TBXAS1: variants seen among roughly 807,000 people sequenced by gnomAD.
TBXAS1 encodes the protein thromboxane-A synthase.
A neutral mutation model predicts 60.7 loss-of-function variants in TBXAS1; 48 were observed. The ratio of observed to expected loss-of-function variants is 0.79; its 90% CI spans 0.63 to 1.01. The LOEUF is 1.01. Among genes scored for constraint, TBXAS1 ranks in the 50% least tolerant of loss-of-function variants. The pLI is 0.00. For missense variants in TBXAS1, 685 were observed against 686.3 expected (o/e 1.00, Z 0.02); for synonymous variants, 287 against 269.7 (o/e 1.06, Z -0.63).
intron 1 of TBXAS1, among the ~76,000 whole-genome samples, chr7:139,831,270 C>T (rs531667691): frequency 2.6e-5 from 4 of 152,182 alleles, no homozygotes; most frequent in South Asian, 2.1e-4. Flanking sequence ...AGAGAGGTCA[C>T]GGCCCTGGCT....
Position 139,962,137 on chromosome 7 carries a change from C to T in TBXAS1, c.1038C>T (p.Ile346=). ...TCCTCATCGCTGGCTATGAAATCAT[C>T]ACCAACACACTTTCTTTTGCCACCT... ...FIFLIAGYEI[I]TNTLSFATYL... The change falls in exon 9 of 13, where the codon ATC becomes ATT. Residue 346 remains isoleucine, a synonymous_variant. Transcript: ENST00000448866. 1.2e-6 allele frequency: 2 copies of T among 1,614,218 alleles called. No individual in the cohort carries two copies. Among genetic ancestry groups the T allele is most frequent in the South Asian group, 1.1e-5 (1 of 91,082 alleles).
chr7:139,808,732 G>C (rs532713378), intron 4 of TBXAS1, among the ~76,000 whole-genome samples: 1 of 152,184 alleles, frequency 6.6e-6, no homozygotes, highest in East Asian at 1.9e-4. Context: ...TCCCCACATT[G>C]CAATGATCTA....
chr7:139,986,796 T>G, intron 9 of TBXAS1, among the ~76,000 whole-genome samples: 1 of 43,662 alleles, frequency 2.3e-5, no homozygotes, highest in Non-Finnish European at 4.3e-5. Flanking sequence ...TGTGTGTGTG[T>G]GTGTATATAT....
intron 4 of TBXAS1, among the ~76,000 whole-genome samples, chr7:139,823,865 T>A (rs1798366080): frequency 6.6e-6 from 1 of 152,168 alleles, no homozygotes; most frequent in Non-Finnish European, 1.5e-5. Flanking sequence ...CTGAGTAAAG[T>A]TAGAGAATTT....
chr7:139,855,688 A>G (rs1371528085), intron 1 of TBXAS1, among the ~76,000 whole-genome samples: 2 of 152,142 alleles, frequency 1.3e-5, no homozygotes, highest in African/African-American at 4.8e-5. Flanking sequence ...AGCAAGGGGA[A>G]GTACTAAGAC....
At chr7:139,956,149 T>C (rs1437791433) in intron 7 of TBXAS1, among the ~76,000 whole-genome samples, 1 of 151,970 alleles carries the variant, frequency 6.6e-6, no homozygotes, top group African/African-American at 2.4e-5. Flanking sequence ...TTATTTATTA[T>C]TATTATTATT....
intron 9 of TBXAS1, among the ~76,000 whole-genome samples, chr7:139,990,165 C>T (rs1399981857): frequency 6.6e-6 from 1 of 152,214 alleles, no homozygotes; most frequent in Non-Finnish European, 1.5e-5. Context: ...CCAGGCCTCC[C>T]CTCCCTAGTC....
chr7:139,987,830 G>C lies in TBXAS1; in HGVS notation c.1135-19261G>C, dbSNP rs75608117. ...ATTTACTTTTTGAAAAACCACATTG[G>C]GACACTAAGTAATCTGGGGGCCCAA... On this transcript the variant is annotated intron_variant, in intron 9 of 12. Coordinates refer to ENST00000448866, the MANE Select transcript of TBXAS1 (RefSeq NM_001061.7). Among the ~76,000 whole-genome samples the C allele has an allele frequency of 6.8e-3, 1,036 of 152,210 alleles. 8 individuals carry two copies. The highest frequency in any genetic ancestry group is 0.014 in the Middle Eastern group (4 of 294).
At chr7:139,956,955 G>A (rs1169738281) in intron 7 of TBXAS1, among the ~76,000 whole-genome samples, 1 of 152,248 alleles carries the variant, frequency 6.6e-6, no homozygotes, top group Non-Finnish European at 1.5e-5. Flanking sequence ...AGCTCCCATA[G>A]AGCCCGGTAC....
chr7:139,972,678 A>T (rs544130447), intron 9 of TBXAS1, among the ~76,000 whole-genome samples: 1 of 152,078 alleles, frequency 6.6e-6, no homozygotes, highest in Non-Finnish European at 1.5e-5. Context: ...CCTTTTCGTC[A>T]CTAGGCTTAA....
intron 9 of TBXAS1, among the ~76,000 whole-genome samples, chr7:139,979,063 G>C (rs1040648317): frequency 2.0e-5 from 3 of 152,222 alleles, no homozygotes; most frequent in Non-Finnish European, 2.9e-5. Flanking sequence ...TGGCTCCAGA[G>C]CTCCTGGGAG....
intron 9 of TBXAS1, among the ~76,000 whole-genome samples, chr7:139,987,714 G>A (rs1010265772): frequency 6.6e-6 from 1 of 152,196 alleles, no homozygotes; most frequent in Admixed American, 6.5e-5. Flanking sequence ...TCATCAGAGA[G>A]GAAGCTAATT....
chr7:140,007,040 T>G, intron 9 of TBXAS1, 51 bp from the exon 10 acceptor site: 468 of 1,491,092 alleles, frequency 3.1e-4, no homozygotes, highest in Non-Finnish European at 3.9e-4. Flanking sequence ...CAAAATGCTG[T>G]GAGATTTGGG....
rs933684555 is a variant in TBXAS1 at position 140,017,731 on chromosome 7, C to A, written c.1425C>A (p.Gly475=). ...RPFTYLPFGA[G]PRSCLGVRLG... ...TCACGTACCTGCCCTTCGGGGCCGG[C>A]CCACGGAGCTGCCTCGGGGTGCGTC... is the stretch of plus-strand genomic sequence containing the variant. Residue 475 remains glycine, a synonymous_variant, in exon 12 of 13, where the codon GGC becomes GGA. Transcript: ENST00000448866. The A allele has an allele frequency of 1.9e-6, 3 of 1,614,016 alleles. No individual in the cohort carries two copies. The highest frequency in any genetic ancestry group is 2.5e-6 in the Non-Finnish European group (3 of 1,179,934).
At position 139,829,316 on chromosome 7, in the gene TBXAS1, C is replaced by T. The variant is rs780793497; in HGVS notation, c.-75C>T. On this transcript the variant is annotated 5_prime_UTR_variant, in exon 1 of 13. In the 5' UTR this introduces an upstream ATG that the reference lacks. Transcript: ENST00000448866. ...TGTTCCCTTTTCTACCTGCAGAGCA[C>T]GGTTCCCATAAGGGCGGCGAGATCA... is the stretch of plus-strand genomic sequence containing the variant. 1.1e-4 allele frequency: 157 copies of T among 1,401,082 alleles called. No individual in the cohort carries two copies. The highest frequency in any genetic ancestry group is 1.4e-4 in the Non-Finnish European group (145 of 1,001,614). 86.8% of individuals were successfully genotyped at this position (1,401,082 alleles called of 1,614,324 possible).
At chr7:139,856,706 C>T (rs1392294570) in intron 1 of TBXAS1, among the ~76,000 whole-genome samples, 1 of 152,186 alleles carries the variant, frequency 6.6e-6, no homozygotes, top group African/African-American at 2.4e-5. Context: ...TTAGCATAAT[C>T]TGAGGGTGGA....
intron 9 of TBXAS1, among the ~76,000 whole-genome samples, chr7:139,974,128 G>A (rs1330420327): frequency 6.6e-6 from 1 of 152,184 alleles, no homozygotes; most frequent in Non-Finnish European, 1.5e-5. Flanking sequence ...CCTGGCTATA[G>A]GCAAGAACTT....
intron 1 of TBXAS1, among the ~76,000 whole-genome samples, chr7:139,853,938 C>T (rs1209432565): frequency 6.6e-6 from 1 of 152,088 alleles, no homozygotes; most frequent in Admixed American, 6.5e-5. Context: ...TCCATGTGCC[C>T]AGGATAGCCT....
At chr7:139,809,851 C>T (rs1797983206) in intron 4 of TBXAS1, among the ~76,000 whole-genome samples, 1 of 152,170 alleles carries the variant, frequency 6.6e-6, no homozygotes, top group Non-Finnish European at 1.5e-5. Context: ...ATGCCAGTCT[C>T]TTCTGAAAAC....
Sources: gnomAD v4.1 joint callset for allele counts (sites outside exome capture counted in the v4.1 genomes callset) on GRCh38, gnomAD v4.1.1 for gene constraint, MANE v1.5 for transcripts, NCBI Gene and HGNC (gene_info 2026-07-23, HGNC 2026-07-21) for gene names.